NOVA1: variants seen among roughly 807,000 people sequenced by gnomAD.
NOVA1 encodes the protein RNA-binding protein Nova-1.
A neutral mutation model predicts 38.0 loss-of-function variants in NOVA1; 7 were observed. The ratio of observed to expected loss-of-function variants is 0.18; its 90% CI spans 0.10 to 0.35. The LOEUF (loss-of-function observed/expected upper bound fraction) is 0.35, where lower values mean the gene tolerates loss of function less well. NOVA1 is among the 10% of genes least tolerant of loss of function. The pLI is 1.00. For missense variants in NOVA1, 460 were observed against 616.0 expected (o/e 0.75, Z 2.68); for synonymous variants, 270 against 232.5 (o/e 1.16, Z -1.47).
chr14:26,554,717 T>TA (rs1287430040), intron 2 of NOVA1, among the ~76,000 whole-genome samples: 9 of 152,194 alleles, frequency 5.9e-5, no homozygotes, highest in Non-Finnish European at 1.2e-4. Flanking sequence ...TACTGTATTA[T>TA]AAAATGGTTA....
At chr14:26,461,235 G>A (rs192927796) in intron 4 of NOVA1, among the ~76,000 whole-genome samples, 1 of 152,172 alleles carries the variant, frequency 6.6e-6, no homozygotes, top group Admixed American at 6.5e-5. Context: ...GTTACAGAGC[G>A]ACTATTTCAT....
chr14:26,488,603 T>C (rs1886096766), intron 2 of NOVA1, among the ~76,000 whole-genome samples: 1 of 152,224 alleles, frequency 6.6e-6, no homozygotes, highest in Non-Finnish European at 1.5e-5. Context: ...TGACGATTCA[T>C]TCATCCTCAG....
At chr14:26,474,600 T>C (rs1272508740) in intron 3 of NOVA1, among the ~76,000 whole-genome samples, 1 of 151,988 alleles carries the variant, frequency 6.6e-6, no homozygotes, top group Non-Finnish European at 1.5e-5. Context: ...ATGCTGTTTC[T>C]TTCCTACAGG....
intron 2 of NOVA1, among the ~76,000 whole-genome samples, chr14:26,576,033 G>C (rs1892817287): frequency 6.6e-6 from 1 of 151,566 alleles, no homozygotes; most frequent in African/African-American, 2.4e-5. Context: ...GGCAAATATT[G>C]ACCATTTTGA....
At chr14:26,475,680 T>C (rs1426257635) in intron 3 of NOVA1, among the ~76,000 whole-genome samples, 3 of 152,178 alleles carry the variant, frequency 2.0e-5, no homozygotes, top group Non-Finnish European at 4.4e-5. Context: ...AAATACTTAA[T>C]GCAGAATAAT....
rs890401934 is a variant in NOVA1 at position 26,443,889 on chromosome 14, A to C, written c.*4070T>G. The stretch of plus-strand genomic sequence containing the variant: ...TTAATGAGTGATGAATATTTCTCCT[A>C]CTAACAGAGTAACTAGTCTCAAATA... On this transcript the variant is annotated 3_prime_UTR_variant, in exon 5 of 5. Transcript: ENST00000539517. 1 of 152,022 alleles carries C rather than the reference A, an allele frequency of 6.6e-6. No homozygotes were observed. Among genetic ancestry groups the C allele is most frequent in the African/African-American group, 2.4e-5 (1 of 41,424 alleles). The allele number at this position is 152,022 out of a possible 1,614,324, so 9.4% of individuals were successfully genotyped here. A position where few individuals can be genotyped will look rare whatever the true frequency, so the allele number is the denominator to read the frequency against.
At chr14:26,581,468 C>T (rs2138769092) in intron 2 of NOVA1, among the ~76,000 whole-genome samples, 1 of 152,050 alleles carries the variant, frequency 6.6e-6, no homozygotes, top group South Asian at 2.1e-4. Flanking sequence ...TAAACAATCT[C>T]AAAGTTTACA....
intron 2 of NOVA1, among the ~76,000 whole-genome samples, chr14:26,502,809 T>C (rs1257673462): frequency 2.0e-5 from 3 of 152,072 alleles, no homozygotes; most frequent in Non-Finnish European, 4.4e-5. Context: ...TCTCACCTTA[T>C]TTGAAATATG....
chr14:26,529,803 C>T (rs552774119), intron 2 of NOVA1, among the ~76,000 whole-genome samples: 3 of 152,324 alleles, frequency 2.0e-5, no homozygotes, highest in Admixed American at 1.3e-4. Context: ...AGGACTCACA[C>T]TTCAGTCATG....
chr14:26,561,406 A>C (rs575447687), intron 2 of NOVA1, among the ~76,000 whole-genome samples: 16 of 152,356 alleles, frequency 1.1e-4, no homozygotes, highest in African/African-American at 3.8e-4. Context: ...GTCATATAAG[A>C]TTTGTGAGTA....
chr14:26,509,052 C>T (rs972638504), intron 2 of NOVA1, among the ~76,000 whole-genome samples: 7 of 152,024 alleles, frequency 4.6e-5, no homozygotes, highest in Non-Finnish European at 1.0e-4. Flanking sequence ...AGTAGTGTTT[C>T]TCTACCTTGA....
chr14:26,471,908 A>G (rs1180839573), intron 4 of NOVA1: 1 of 217,944 alleles, frequency 4.6e-6, no homozygotes, highest in Non-Finnish European at 8.9e-6. Context: ...AGCAAATAAA[A>G]TTGCATTCAC....
intron 2 of NOVA1, among the ~76,000 whole-genome samples, chr14:26,563,917 T>C (rs931721918): frequency 6.6e-6 from 1 of 152,134 alleles, no homozygotes; most frequent in Non-Finnish European, 1.5e-5. Flanking sequence ...ATCCGGTGGT[T>C]TTCAGGTTGT....
At chr14:26,461,009 A>T (rs61988529) in intron 4 of NOVA1, among the ~76,000 whole-genome samples, 30,697 of 152,110 alleles carry the variant, frequency 0.2, 3,322 homozygotes, top group East Asian at 0.33. Context: ...GGTTATATAA[A>T]GGCATGCATA....
At chr14:26,479,716 A>G in intron 3 of NOVA1, 2 of 396,258 alleles carry the variant, frequency 5.0e-6, no homozygotes, top group Non-Finnish European at 8.9e-6. Flanking sequence ...GTGTCTATAA[A>G]TTTAAAAAGG....
In NOVA1 at chr14:26,444,241, T is replaced by C. The variant is rs530589256; in HGVS notation, c.*3718A>G. 10 of 152,244 alleles carry C rather than the reference T, an allele frequency of 6.6e-5. No homozygotes were observed. In the South Asian group the frequency reaches 1.7e-3, roughly 25 times the overall value. 9.4% of individuals were successfully genotyped at this position (152,244 alleles called of 1,614,324 possible). ...TTTAATGCTTTCATACTGTTTATTT[T>C]TTTCCAATAAAAAAATAAATCTCAT... On this transcript the variant is annotated 3_prime_UTR_variant, in exon 5 of 5. Coordinates refer to ENST00000539517, the MANE Select transcript of NOVA1 (RefSeq NM_002515.3).
chr14:26,504,580 T>C (rs545334588), intron 2 of NOVA1, among the ~76,000 whole-genome samples: 53 of 152,284 alleles, frequency 3.5e-4, no homozygotes, highest in Admixed American at 1.4e-3. Context: ...AGCCTCCCTT[T>C]TGATCTAGAG....
intron 3 of NOVA1, among the ~76,000 whole-genome samples, chr14:26,472,782 C>T (rs961811873): frequency 6.6e-6 from 1 of 151,502 alleles, no homozygotes; most frequent in Non-Finnish European, 1.5e-5. Context: ...ACTTTCCTAT[C>T]GATGAATACA....
At chr14:26,493,610 C>T (rs1308653905) in intron 2 of NOVA1, among the ~76,000 whole-genome samples, 2 of 152,172 alleles carry the variant, frequency 1.3e-5, no homozygotes, top group African/African-American at 4.8e-5. Context: ...GGACTGTCTT[C>T]TGACTTCTAA....
Sources: gnomAD v4.1 joint callset for allele counts (sites outside exome capture counted in the v4.1 genomes callset) on GRCh38, gnomAD v4.1.1 for gene constraint, MANE v1.5 for transcripts, NCBI Gene and HGNC (gene_info 2026-07-23, HGNC 2026-07-21) for gene names.